The following FAM81B variants were observed in gnomAD, a reference collection of about 807,000 sequenced individuals.
The protein encoded by FAM81B is protein FAM81B.
A neutral mutation model predicts 58.7 loss-of-function variants in FAM81B; 60 were observed. The observed-to-expected ratio is 1.02, with a 90% CI of 0.83 to 1.27. The LOEUF is 1.27. Ranked by LOEUF, FAM81B falls within the 50% of genes most tolerant of loss-of-function variation. The pLI, the probability that FAM81B is intolerant of heterozygous loss-of-function variation, is 0.00. For synonymous variants in FAM81B, 189 were observed against 179.6 expected (o/e 1.05, Z -0.42); for missense variants, 491 against 522.0 (o/e 0.94, Z 0.58).
intron 3 of FAM81B, among the ~76,000 whole-genome samples, chr5:95,404,952 A>T (rs1762207437): frequency 6.6e-6 from 1 of 152,184 alleles, no homozygotes; most frequent in Admixed American, 6.5e-5. Context: ...GTTAGAAAGG[A>T]GAGATAAGAT....
intron 3 of FAM81B, among the ~76,000 whole-genome samples, chr5:95,406,923 A>G (rs1027491617): frequency 6.6e-6 from 1 of 151,986 alleles, no homozygotes; most frequent in Admixed American, 6.6e-5. Context: ...CCATGTTCTC[A>G]CTAACTCTCA....
At chr5:95,422,577 G>T (rs979464543) in intron 5 of FAM81B, among the ~76,000 whole-genome samples, 1 of 151,944 alleles carries the variant, frequency 6.6e-6, no homozygotes, top group Non-Finnish European at 1.5e-5. Flanking sequence ...CTGCCTCCCA[G>T]GTTCAAACAA....
chr5:95,436,774 C>A (rs756293955), intron 6 of FAM81B, 26 bp from the exon 7 acceptor site: 1 of 1,481,690 alleles, frequency 6.7e-7, no homozygotes, highest in East Asian at 2.3e-5. Flanking sequence ...TGTTCATATG[C>A]ACAAACCCTC....
intron 5 of FAM81B, chr5:95,424,337 A>T: frequency 1.1e-6 from 1 of 892,826 alleles, no homozygotes. Flanking sequence ...AAACATAAGC[A>T]AAAGACTAGT....
intron 3 of FAM81B, among the ~76,000 whole-genome samples, chr5:95,410,455 T>A (rs1357154561): frequency 2.6e-5 from 4 of 152,188 alleles, no homozygotes; most frequent in Non-Finnish European, 5.9e-5. Flanking sequence ...GTTCACAATC[T>A]GGCCCTAAAA....
At chr5:95,429,502 T>C (rs1009021571) in intron 6 of FAM81B, among the ~76,000 whole-genome samples, 1 of 152,198 alleles carries the variant, frequency 6.6e-6, no homozygotes, top group Non-Finnish European at 1.5e-5. Flanking sequence ...TGGCGTTTGA[T>C]TATTTGTTGG....
At chr5:95,433,508 G>C (rs918263289) in intron 6 of FAM81B, among the ~76,000 whole-genome samples, 1 of 152,072 alleles carries the variant, frequency 6.6e-6, no homozygotes, top group East Asian at 1.9e-4. Context: ...TATCAAGGAA[G>C]TTTTTTCCCC....
chr5:95,391,635 C>T (rs1761819443), intron 1 of FAM81B, 122 bp downstream of exon 1: 1 of 1,092,316 alleles, frequency 9.2e-7, no homozygotes, highest in African/African-American at 1.6e-5. Flanking sequence ...TTGGGCACAA[C>T]AGAGTAATAA....
At position 95,448,559 on chromosome 5, in the gene FAM81B, T is replaced by A. The variant is rs986765876; in HGVS notation, c.1225+95T>A. 5 of 1,142,824 alleles carry A rather than the reference T, an allele frequency of 4.4e-6. No individual in the cohort carries two copies. The African/African-American group carries it at 7.9e-5, about 18-fold the overall frequency. The allele number at this position is 1,142,824 out of a possible 1,614,324, so 70.8% of individuals were successfully genotyped here. A position where few individuals can be genotyped will look rare whatever the true frequency, so the allele number is the denominator to read the frequency against. On this transcript the variant is annotated intron_variant, in intron 9 of 9. Coordinates refer to ENST00000283357, the MANE Select transcript of FAM81B (RefSeq NM_152548.3). Reference sequence around the variant, plus strand: ...TGAGCTAATGGCCAGGGATCAATCTTGTCATTAGTGACATCGTTATGTATT... The same window carrying A: ...TGAGCTAATGGCCAGGGATCAATCTAGTCATTAGTGACATCGTTATGTATT...
chr5:95,413,881 T>A (rs1213752741), intron 3 of FAM81B, 66 bp from the exon 4 acceptor site: 12 of 1,533,530 alleles, frequency 7.8e-6, no homozygotes, highest in Non-Finnish European at 9.6e-6. Flanking sequence ...ATTCTAGTTC[T>A]GGTTCCTGGC....
At chr5:95,425,429 G>T (rs888386337) in intron 5 of FAM81B, among the ~76,000 whole-genome samples, 1 of 152,118 alleles carries the variant, frequency 6.6e-6, no homozygotes, top group Non-Finnish European at 1.5e-5. Flanking sequence ...TGCTAGAAAA[G>T]AATGGATTGA....
At chr5:95,444,077 G>C (rs187445173) in intron 7 of FAM81B, among the ~76,000 whole-genome samples, 94 of 152,248 alleles carry the variant, frequency 6.2e-4, no homozygotes, top group African/African-American at 2.2e-3. Flanking sequence ...ACTTCCACCA[G>C]AGACAGGGAA....
chr5:95,446,009 T>C (rs1745542423), intron 7 of FAM81B, among the ~76,000 whole-genome samples: 1 of 152,230 alleles, frequency 6.6e-6, no homozygotes, highest in South Asian at 2.1e-4. Context: ...TCATAACATG[T>C]GAATATTACA....
chr5:95,405,054 T>C (rs1387639606), intron 3 of FAM81B, among the ~76,000 whole-genome samples: 1 of 152,146 alleles, frequency 6.6e-6, no homozygotes. Context: ...AGCTGCTGTA[T>C]GGAGGATGTG....
At chr5:95,447,455 C>G (rs1412922030) in intron 8 of FAM81B, among the ~76,000 whole-genome samples, 1 of 152,188 alleles carries the variant, frequency 6.6e-6, no homozygotes, top group East Asian at 1.9e-4. Context: ...GTAAGGCTAT[C>G]GAAGTATGTG....
At position 95,391,475 on chromosome 5, in the gene FAM81B, C is replaced by T; in HGVS notation, c.86C>T (p.Thr29Ile). The change falls in exon 1 of 10, where the codon ACA becomes ATA. Residue 29 changes from threonine to isoleucine, a missense_variant. By Grantham distance (89) the Thr-to-Ile change is moderately conservative. Transcript: ENST00000283357. The part of the protein sequence containing the change: ...QRLFFKNIKS[T>I]KNKAGKASIM... ...TTGTTTTTCAAAAATATCAAATCTA[C>T]AAAAAATAAAGCTGGAAAAGCAAGC... The T allele has an allele frequency of 1.9e-6, 3 of 1,613,588 alleles. No homozygotes were observed. The highest frequency in any genetic ancestry group is 2.2e-5 in the South Asian group (2 of 91,028).
chr5:95,446,706 T>C lies in FAM81B; in HGVS notation c.1029+9T>C. 1 of 1,608,928 alleles carries C rather than the reference T, an allele frequency of 6.2e-7. No individual in the cohort carries two copies. The stretch of plus-strand genomic sequence containing the variant: ...TCCTACAGGAGAAACTGGTGAGGAG[T>C]TCTGTTATTTTGTGAAGCAAGCACC... On this transcript the variant is annotated intron_variant, in intron 8 of 9. Coordinates refer to ENST00000283357, the MANE Select transcript of FAM81B (RefSeq NM_152548.3).
At chr5:95,437,397 G>A (rs1412161919) in intron 7 of FAM81B, among the ~76,000 whole-genome samples, 1 of 152,062 alleles carries the variant, frequency 6.6e-6, no homozygotes, top group African/African-American at 2.4e-5. Flanking sequence ...CCAGGCTGGA[G>A]TGCAGTGGCG....
intron 6 of FAM81B, among the ~76,000 whole-genome samples, chr5:95,429,122 C>G (rs1233825894): frequency 6.6e-6 from 1 of 152,146 alleles, no homozygotes; most frequent in African/African-American, 2.4e-5. Context: ...CATGTTACAT[C>G]CCACTTAAAG....
Sources: gnomAD v4.1 joint callset for allele counts (sites outside exome capture counted in the v4.1 genomes callset) on GRCh38, gnomAD v4.1.1 for gene constraint, MANE v1.5 for transcripts, NCBI Gene and HGNC (gene_info 2026-07-23, HGNC 2026-07-21) for gene names.